CPPED1: variants seen among roughly 807,000 people sequenced by gnomAD.
CPPED1 encodes the protein serine/threonine-protein phosphatase CPPED1.
A neutral mutation model predicts 28.0 loss-of-function variants in CPPED1; 28 were observed. That is an observed-to-expected ratio of 1.00 (90% CI 0.74 to 1.37). The LOEUF is 1.37. Ranked by LOEUF, CPPED1 falls within the 40% of genes most tolerant of loss-of-function variation. CPPED1 has a pLI of 0.00. For missense variants in CPPED1, 504 were observed against 416.5 expected (o/e 1.21, Z -1.83); for synonymous variants, 198 against 180.2 (o/e 1.10, Z -0.79).
chr16:12,685,309 G>C (rs1054667383), intron 3 of CPPED1, among the ~76,000 whole-genome samples: 3 of 152,142 alleles, frequency 2.0e-5, no homozygotes, highest in Admixed American at 6.5e-5. Flanking sequence ...AATTAGCCAG[G>C]TGTGGTGGTG....
intron 2 of CPPED1, among the ~76,000 whole-genome samples, chr16:12,726,375 C>T (rs1290804328): frequency 7.2e-6 from 1 of 139,084 alleles, no homozygotes; most frequent in African/African-American, 2.7e-5. Flanking sequence ...CAGAGTCTCA[C>T]TCTGTTGCCC....
At chr16:12,772,549 T>G (rs1286258711) in intron 2 of CPPED1, among the ~76,000 whole-genome samples, 1 of 152,198 alleles carries the variant, frequency 6.6e-6, no homozygotes, top group Non-Finnish European at 1.5e-5. Context: ...TTGGAATCAT[T>G]TCTAAATTCA....
intron 3 of CPPED1, among the ~76,000 whole-genome samples, chr16:12,696,310 C>T (rs539930484): frequency 1.5e-4 from 23 of 152,250 alleles, no homozygotes; most frequent in South Asian, 6.2e-4. Flanking sequence ...AGAAGCATGC[C>T]GGTCTAGCTA....
intron 2 of CPPED1, among the ~76,000 whole-genome samples, chr16:12,724,249 C>T (rs2080157476): frequency 6.6e-6 from 1 of 152,128 alleles, no homozygotes; most frequent in South Asian, 2.1e-4. Flanking sequence ...CTCTGGGGGT[C>T]CCACTGACTT....
intron 3 of CPPED1, among the ~76,000 whole-genome samples, chr16:12,680,966 T>C (rs1444945813): frequency 6.6e-6 from 1 of 152,176 alleles, no homozygotes; most frequent in Non-Finnish European, 1.5e-5. Flanking sequence ...TTAGGATTCA[T>C]AGCCTCCTCT....
intron 3 of CPPED1, among the ~76,000 whole-genome samples, chr16:12,686,826 C>T (rs1368884073): frequency 6.6e-6 from 1 of 152,124 alleles, no homozygotes; most frequent in Non-Finnish European, 1.5e-5. Context: ...AGATTGTGAC[C>T]TTTTACTTGT....
chr16:12,699,877 T>G (rs2080011251), intron 3 of CPPED1, among the ~76,000 whole-genome samples: 1 of 152,146 alleles, frequency 6.6e-6, no homozygotes, highest in Non-Finnish European at 1.5e-5. Context: ...AGTTAATGAA[T>G]TTTACAAAAT....
chr16:12,704,766 G>A lies in CPPED1; in HGVS notation c.573C>T (p.Ile191=), dbSNP rs368920536. ...CATGCTGGCAGTGCCGCTGCCTCGC[G>A]ATGCTCAGCTGCTCGTCCAGCCACT... is the stretch of plus-strand genomic sequence containing the variant. ...QDQWLDEQLS[I]ARQRHCQHAI... The change falls in exon 3 of 4, where the codon ATC becomes ATT. Residue 191 remains isoleucine, a synonymous_variant. Transcript: ENST00000381774. 1.7e-5 allele frequency: 27 copies of A among 1,614,082 alleles called. No homozygotes were observed. In the South Asian group the frequency reaches 2.2e-4, roughly 13 times the overall value.
At chr16:12,706,640 T>C (rs1469331428) in intron 2 of CPPED1, among the ~76,000 whole-genome samples, 1 of 150,804 alleles carries the variant, frequency 6.6e-6, no homozygotes, top group South Asian at 2.1e-4. Flanking sequence ...GCCAGGTGGC[T>C]GGAATGAATG....
At chr16:12,712,807 C>T (rs141833951) in intron 2 of CPPED1, among the ~76,000 whole-genome samples, 21 of 152,228 alleles carry the variant, frequency 1.4e-4, no homozygotes, top group African/African-American at 4.8e-4. Context: ...CATGGCAAAA[C>T]TGTTAATAGT....
chr16:12,716,249 G>A (rs566044550), intron 2 of CPPED1, among the ~76,000 whole-genome samples: 173 of 152,236 alleles, frequency 1.1e-3, no homozygotes, highest in African/African-American at 3.9e-3. Flanking sequence ...CTTCTTTAGC[G>A]CTAACGCTGG....
chr16:12,743,920 A>G (rs909166428), intron 2 of CPPED1, among the ~76,000 whole-genome samples: 1 of 152,040 alleles, frequency 6.6e-6, no homozygotes, highest in African/African-American at 2.4e-5. Flanking sequence ...TGGGAGGTTC[A>G]CGTGAGCCAG....
rs140541079 is a variant in CPPED1, at chr16:12,741,596, A to G, written c.290-36547T>C. On this transcript the variant is annotated intron_variant, in intron 2 of 3. Coordinates refer to ENST00000381774, the MANE Select transcript of CPPED1 (RefSeq NM_018340.3). ...GAGTAGGTTGGGTACATGAATTTCTATGGGACAGAAGCCCCTTTATGGACA... is the reference window on the plus strand; with the variant it reads ...GAGTAGGTTGGGTACATGAATTTCTGTGGGACAGAAGCCCCTTTATGGACA... Among the ~76,000 whole-genome samples the G allele has an allele frequency of 1.4e-3, 208 of 152,308 alleles. 1 individual carries two copies. The highest frequency in any genetic ancestry group is 4.7e-3 in the African/African-American group (197 of 41,564).
intron 2 of CPPED1, among the ~76,000 whole-genome samples, chr16:12,776,997 C>A (rs1431917542): frequency 2.6e-5 from 4 of 152,154 alleles, no homozygotes; most frequent in Non-Finnish European, 5.9e-5. Flanking sequence ...GGCAATTATT[C>A]TTTTTGCTTA....
At chr16:12,694,317 G>A (rs564803283) in intron 3 of CPPED1, among the ~76,000 whole-genome samples, 5 of 152,292 alleles carry the variant, frequency 3.3e-5, no homozygotes, top group African/African-American at 4.8e-5. Context: ...TGCCTAGCGT[G>A]GGATCCATGC....
At chr16:12,744,102 C>T (rs1378286253) in intron 2 of CPPED1, among the ~76,000 whole-genome samples, 1 of 151,734 alleles carries the variant, frequency 6.6e-6, no homozygotes, top group East Asian at 1.9e-4. Flanking sequence ...TGGTGAAACC[C>T]TGTCTCTACT....
In CPPED1 at chr16:12,703,534, T is replaced by C. The variant is rs150607862; in HGVS notation, c.715+1090A>G. On this transcript the variant is annotated intron_variant, in intron 3 of 3. Coordinates refer to ENST00000381774, the MANE Select transcript of CPPED1 (RefSeq NM_018340.3). Reference sequence around the variant, plus strand: ...CCATCTCTACTAAAAGTACAAAAATTAGCCAGGCGTGGTGGTCAGCGTTTG... The same window carrying C: ...CCATCTCTACTAAAAGTACAAAAATCAGCCAGGCGTGGTGGTCAGCGTTTG... 5.4e-3 allele frequency among the ~76,000 whole-genome samples: 828 copies of C among 152,106 alleles called. 5 individuals carry two copies. Among genetic ancestry groups the C allele is most frequent in the Middle Eastern group, 0.031 (9 of 294 alleles).
intron 1 of CPPED1, among the ~76,000 whole-genome samples, chr16:12,797,318 A>T (rs2080633331): frequency 6.6e-6 from 1 of 152,208 alleles, no homozygotes; most frequent in Non-Finnish European, 1.5e-5. Flanking sequence ...TTGGAGGCTA[A>T]GGCAGGAGGA....
intron 2 of CPPED1, among the ~76,000 whole-genome samples, chr16:12,772,442 TC>T (rs2080475379): frequency 6.6e-6 from 1 of 152,248 alleles, no homozygotes; most frequent in Non-Finnish European, 1.5e-5. Context: ...ATCCAGCCCT[TC>T]TTTACCTTGA....
Sources: gnomAD v4.1 joint callset for allele counts (sites outside exome capture counted in the v4.1 genomes callset) on GRCh38, gnomAD v4.1.1 for gene constraint, MANE v1.5 for transcripts, NCBI Gene and HGNC (gene_info 2026-07-23, HGNC 2026-07-21) for gene names.